The following ADCYAP1R1 variants were observed in gnomAD, a reference collection of about 807,000 sequenced individuals.
ADCYAP1R1 encodes the protein pituitary adenylate cyclase-activating polypeptide type I receptor.
Under a neutral mutation model 67.6 loss-of-function variants are expected in ADCYAP1R1, and 44 were observed. The ratio of observed to expected loss-of-function variants is 0.65; its 90% confidence interval spans 0.51 to 0.84. The LOEUF (loss-of-function observed/expected upper bound fraction) is 0.84. Ranked by LOEUF, ADCYAP1R1 falls within the 40% of genes least tolerant of loss-of-function variation. ADCYAP1R1 has a pLI of 0.00. For missense variants in ADCYAP1R1, 477 were observed against 587.9 expected (o/e 0.81, Z 1.95); for synonymous variants, 222 against 219.6 (o/e 1.01, Z -0.10).
intron 13 of ADCYAP1R1, 22 bp from the exon 14 acceptor site, chr7:31,103,214 GA>G: frequency 6.2e-7 from 1 of 1,613,216 alleles, no homozygotes; most frequent in Non-Finnish European, 8.5e-7. Context: ...CCCCAGAGCA[GA>G]TGTTTTGCTT....
chr7:31,100,220 CGTGGCCGAGGCT>C, intron 13 of ADCYAP1R1: 1 of 1,550,178 alleles, frequency 6.5e-7, no homozygotes. Flanking sequence ...TGTAAGTGTG[CGTGGCCGAGGCT>C]GTGGCCGGGA....
intron 3 of ADCYAP1R1, among the ~76,000 whole-genome samples, chr7:31,077,474 G>T (rs996530183): frequency 1.0e-4 from 10 of 95,428 alleles, no homozygotes; most frequent in Admixed American, 8.4e-4. Context: ...TGTGTGTGGT[G>T]TGTGTAGTGT....
rs898833545 is a variant in ADCYAP1R1 at position 31,098,602 on chromosome 7, A to T, written c.1047-4635A>T. 6.0e-5 allele frequency among the ~76,000 whole-genome samples: 9 copies of T among 150,964 alleles called. No individual in the cohort carries two copies. In the Admixed American group the frequency reaches 6.0e-4, roughly 10 times the overall value. ...CCAAACCTCGACATTCCTCTTCTGG[A>T]AAAGGGGATCTGTAGTGCCCACCTC... On this transcript the variant is annotated intron_variant, in intron 13 of 15. Coordinates refer to ENST00000304166, the MANE Select transcript of ADCYAP1R1 (RefSeq NM_001118.5).
chr7:31,062,028 T>C (rs1794526865), intron 1 of ADCYAP1R1, among the ~76,000 whole-genome samples: 1 of 152,218 alleles, frequency 6.6e-6, no homozygotes, highest in South Asian at 2.1e-4. Context: ...CTGGAGCCTA[T>C]TTAGCAGTGC....
intron 4 of ADCYAP1R1, among the ~76,000 whole-genome samples, chr7:31,078,689 G>T (rs1480004827): frequency 6.6e-6 from 1 of 152,164 alleles, no homozygotes; most frequent in African/African-American, 2.4e-5. Flanking sequence ...TGGGGCTGGC[G>T]CACACTCACG....
At chr7:31,097,402 G>A (rs947856330) in intron 13 of ADCYAP1R1, among the ~76,000 whole-genome samples, 3 of 152,054 alleles carry the variant, frequency 2.0e-5, no homozygotes, top group African/African-American at 4.8e-5. Flanking sequence ...TTCTCCCACC[G>A]TGTCTCTGGC....
At chr7:31,063,455 G>A (rs573832294) in intron 2 of ADCYAP1R1, 140 bp downstream of exon 2, 7 of 824,126 alleles carry the variant, frequency 8.5e-6, no homozygotes, top group African/African-American at 3.4e-5. Flanking sequence ...GGGCCACCCA[G>A]TGCCTTTGTG....
chr7:31,084,324 C>A, intron 7 of ADCYAP1R1, 74 bp downstream of exon 7: 1 of 1,232,460 alleles, frequency 8.1e-7, no homozygotes, highest in African/African-American at 1.5e-5. Flanking sequence ...AGGCAGCATT[C>A]ATGAGCACCT....
chr7:31,101,163 CTGGGGCTGCTG>C (rs1229841865), intron 13 of ADCYAP1R1, among the ~76,000 whole-genome samples: 1 of 152,332 alleles, frequency 6.6e-6, no homozygotes, highest in African/African-American at 2.4e-5. Context: ...CCTGTCTGTT[CTGGGGCTGCTG>C]TGGGGCTGCT....
chr7:31,066,490 C>T (rs954472427), intron 3 of ADCYAP1R1, among the ~76,000 whole-genome samples: 2 of 152,108 alleles, frequency 1.3e-5, no homozygotes, highest in Non-Finnish European at 2.9e-5. Flanking sequence ...TACAGCATCC[C>T]TGGAAGGGCC....
chr7:31,105,811 G>C (rs1796618299), intron 15 of ADCYAP1R1, among the ~76,000 whole-genome samples: 2 of 152,222 alleles, frequency 1.3e-5, no homozygotes, highest in Admixed American at 6.5e-5. Flanking sequence ...GTGAAAGTAG[G>C]AGCTGGAACT....
rs775622248 is a variant in ADCYAP1R1 at position 31,064,869 on chromosome 7, G to A, written c.90G>A (p.Glu30=). Residue 30 remains glutamate (E), a synonymous_variant, in exon 3 of 16, where the codon GAG becomes GAA. Transcript: ENST00000304166. ...AMHSDCIFKK[E]QAMCLEKIQR... ...ATTCTGACTGCATCTTCAAGAAGGA[G>A]CAAGCCATGTGCCTGGAGAAGATCC... 5 of 1,613,046 alleles carry A rather than the reference G, an allele frequency of 3.1e-6. No homozygotes were observed. Among genetic ancestry groups the A allele is most frequent in the Non-Finnish European group, 4.2e-6 (5 of 1,179,598 alleles).
intron 4 of ADCYAP1R1, 62 bp from the exon 5 acceptor site, chr7:31,080,551 G>A (rs1795472803): frequency 1.9e-6 from 3 of 1,568,304 alleles, no homozygotes; most frequent in Non-Finnish European, 2.6e-6. Context: ...AGCAGCCCCT[G>A]ACTTTTCTCA....
intron 3 of ADCYAP1R1, among the ~76,000 whole-genome samples, chr7:31,077,636 ATGTGTGTGGTGTGTGTGATG>A (rs1795322037): frequency 8.9e-6 from 1 of 112,778 alleles, no homozygotes; most frequent in Non-Finnish European, 1.8e-5. Context: ...TGTATGATAT[ATGTGTGTGGTGTGTGTGATG>A]TGTGTGTGGT....
intron 1 of ADCYAP1R1, among the ~76,000 whole-genome samples, chr7:31,060,369 A>G (rs1200086188): frequency 6.6e-6 from 1 of 152,190 alleles, no homozygotes; most frequent in Non-Finnish European, 1.5e-5. Context: ...CTGTATATCT[A>G]CAGTCTGATA....
At chr7:31,068,274 G>T (rs1194677589) in intron 3 of ADCYAP1R1, among the ~76,000 whole-genome samples, 1 of 152,160 alleles carries the variant, frequency 6.6e-6, no homozygotes, top group Non-Finnish European at 1.5e-5. Flanking sequence ...CAGCCTATGG[G>T]CTGGGTAGAG....
In ADCYAP1R1 at chr7:31,086,673, T is replaced by G; in HGVS notation, c.823+136T>G. On this transcript the variant is annotated intron_variant, in intron 10 of 15. Coordinates refer to ENST00000304166, the MANE Select transcript of ADCYAP1R1 (RefSeq NM_001118.5). This position sits in a 1 kb window ranked among gnomAD's most constrained non-coding sequence, Gnocchi z 5.0. ...TGCCCGAGTCTAATGGCCTAGGCTC[T>G]GTCTTGGACTCTTTCTCAATCTTCT... The G allele has an allele frequency of 9.2e-7, 1 of 1,086,670 alleles. No homozygotes were observed. The highest frequency in any genetic ancestry group is 1.6e-5 in the African/African-American group (1 of 63,130). The allele number at this position is 1,086,670 out of a possible 1,614,324, so 67.3% of individuals were successfully genotyped here.
chr7:31,074,775 G>A (rs1277085129), intron 3 of ADCYAP1R1, among the ~76,000 whole-genome samples: 5 of 152,232 alleles, frequency 3.3e-5, no homozygotes, highest in Admixed American at 3.3e-4. Flanking sequence ...AGGAATTATT[G>A]ATGACTGGCC....
intron 4 of ADCYAP1R1, among the ~76,000 whole-genome samples, 163 bp downstream of exon 4, chr7:31,078,261 C>T (rs897581223): frequency 7.2e-5 from 11 of 152,138 alleles, no homozygotes; most frequent in Non-Finnish European, 1.6e-4. Flanking sequence ...CTTGCACACA[C>T]GGGGACACAG....
Sources: allele counts gnomAD v4.1 joint callset (sites outside exome capture counted in the v4.1 genomes callset), GRCh38; gene constraint gnomAD v4.1.1; non-coding constraint Gnocchi (gnomAD v3.1); transcripts MANE v1.5; gene names NCBI Gene and HGNC (gene_info 2026-07-23, HGNC 2026-07-21).